Variants in MACROD2 observed in about 807,000 individuals in gnomAD.
MACROD2 encodes mono-ADP ribosylhydrolase 2.
MACROD2 carries 36 observed loss-of-function variants against 70.4 expected under a neutral mutation model. The ratio of observed to expected loss-of-function variants is 0.51; its 90% confidence interval spans 0.39 to 0.68. MACROD2 has a LOEUF of 0.68. Among genes scored for constraint, MACROD2 ranks in the 30% least tolerant of loss-of-function variants. The pLI, the probability that MACROD2 is intolerant of heterozygous loss-of-function variation, is 0.00. For missense variants in MACROD2, 496 were observed against 538.4 expected (o/e 0.92, Z 0.78); for synonymous variants, 172 against 178.8 (o/e 0.96, Z 0.30).
At chr20:14,625,836 T>C (rs1335349779) in intron 4 of MACROD2, among the ~76,000 whole-genome samples, 1 of 152,134 alleles carries the variant, frequency 6.6e-6, no homozygotes, top group Admixed American at 6.5e-5. Flanking sequence ...GTTGTTGTTG[T>C]TTTTCAGATG....
intron 5 of MACROD2, among the ~76,000 whole-genome samples, chr20:14,792,526 G>A (rs990599729): frequency 6.6e-5 from 10 of 151,986 alleles, no homozygotes; most frequent in Non-Finnish European, 1.5e-4. Context: ...AAACCCTCCT[G>A]TTCATAAGAG....
intron 13 of MACROD2, among the ~76,000 whole-genome samples, chr20:15,982,018 C>T (rs1013171050): frequency 6.6e-6 from 1 of 151,746 alleles, no homozygotes; most frequent in Admixed American, 6.6e-5. Flanking sequence ...ATCAGAGAAC[C>T]GCATCTTATT....
intron 5 of MACROD2, among the ~76,000 whole-genome samples, chr20:14,966,748 A>G (rs1332630424): frequency 1.3e-5 from 2 of 151,688 alleles, no homozygotes; most frequent in Non-Finnish European, 2.9e-5. Flanking sequence ...AGACATTTTG[A>G]AGTAATCTAT....
rs148671689 is a variant in MACROD2, at chr20:15,905,232, G to A, written c.775+19421G>A. ...TGAGAACATCTAGGGCAACACTCTC[G>A]TTTCACAGATGAGGAAACTTTCTTT... On this transcript the variant is annotated intron_variant, in intron 10 of 17. Transcript: ENST00000684519. Among the ~76,000 whole-genome samples, 255 of 152,196 alleles carry A rather than the reference G, an allele frequency of 1.7e-3. 1 individual carries two copies. The highest frequency in any genetic ancestry group is 6.8e-3 in the Middle Eastern group (2 of 294).
At chr20:14,353,258 G>T (rs1478559953) in intron 3 of MACROD2, among the ~76,000 whole-genome samples, 7 of 151,534 alleles carry the variant, frequency 4.6e-5, no homozygotes, top group Non-Finnish European at 8.8e-5. Flanking sequence ...AACAGAAAAG[G>T]GATTATAAAT....
chr20:15,392,529 C>T (rs2045806739), intron 6 of MACROD2, among the ~76,000 whole-genome samples: 1 of 151,930 alleles, frequency 6.6e-6, no homozygotes, highest in Admixed American at 6.6e-5. Flanking sequence ...TGTCATTTTA[C>T]CTAATAGCAT....
At chr20:15,034,241 G>T (rs545912361) in intron 5 of MACROD2, among the ~76,000 whole-genome samples, 1 of 152,268 alleles carries the variant, frequency 6.6e-6, no homozygotes, top group South Asian at 2.1e-4. Flanking sequence ...AAATTTGATG[G>T]TTGGAATTCT....
At chr20:14,019,025 C>T (rs145491054) in intron 2 of MACROD2, among the ~76,000 whole-genome samples, 1 of 152,202 alleles carries the variant, frequency 6.6e-6, no homozygotes, top group African/African-American at 2.4e-5. Context: ...GTGCAGGGAC[C>T]TTGACCCTTA....
chr20:15,833,076 C>T (rs1036999365), intron 8 of MACROD2, among the ~76,000 whole-genome samples: 1 of 152,026 alleles, frequency 6.6e-6, no homozygotes, highest in Non-Finnish European at 1.5e-5. Flanking sequence ...TTTTGCACAG[C>T]CCCTTGGGAG....
chr20:14,612,418 T>A (rs1389089208), intron 4 of MACROD2, among the ~76,000 whole-genome samples: 2 of 152,118 alleles, frequency 1.3e-5, no homozygotes, highest in Admixed American at 6.6e-5. Flanking sequence ...AACTGTAGAC[T>A]TTGTGGATAT....
At chr20:14,998,481 C>G (rs2074968411) in intron 5 of MACROD2, among the ~76,000 whole-genome samples, 1 of 151,970 alleles carries the variant, frequency 6.6e-6, no homozygotes, top group Non-Finnish European at 1.5e-5. Flanking sequence ...AACCAATATA[C>G]CAAAGAATTC....
At chr20:15,219,272 A>G (rs1286222323) in intron 5 of MACROD2, among the ~76,000 whole-genome samples, 1 of 152,224 alleles carries the variant, frequency 6.6e-6, no homozygotes, top group Non-Finnish European at 1.5e-5. Flanking sequence ...GTGTCACCAG[A>G]AAGTTTGAAA....
chr20:14,183,955 G>C (rs906089726), intron 3 of MACROD2, among the ~76,000 whole-genome samples: 2 of 152,088 alleles, frequency 1.3e-5, no homozygotes, highest in African/African-American at 4.8e-5. Context: ...CAGATGCATA[G>C]TTTGCAAAAA....
At chr20:14,469,070 T>C (rs2084495392) in intron 3 of MACROD2, among the ~76,000 whole-genome samples, 1 of 152,066 alleles carries the variant, frequency 6.6e-6, no homozygotes, top group South Asian at 2.1e-4. Context: ...TGGTATCGGT[T>C]TTTTCTTTCC....
At chr20:14,981,388 C>T (rs1192325768) in intron 5 of MACROD2, among the ~76,000 whole-genome samples, 11 of 150,092 alleles carry the variant, frequency 7.3e-5, no homozygotes, top group African/African-American at 2.7e-4. Flanking sequence ...TTGGAAAAGC[C>T]TTACTGTAAT....
chr20:14,619,965 G>A (rs1444218721), intron 4 of MACROD2, among the ~76,000 whole-genome samples: 3 of 152,126 alleles, frequency 2.0e-5, no homozygotes, highest in African/African-American at 7.2e-5. Context: ...TTATGATCTG[G>A]CTTTTAACAC....
At chr20:15,124,154 A>T (rs1378506542) in intron 5 of MACROD2, among the ~76,000 whole-genome samples, 1 of 152,022 alleles carries the variant, frequency 6.6e-6, no homozygotes, top group Admixed American at 6.5e-5. Flanking sequence ...TGCCACTAAA[A>T]TTACAACCAT....
At chr20:14,011,459 TC>T (rs147067387) in intron 2 of MACROD2, among the ~76,000 whole-genome samples, 6 of 151,874 alleles carry the variant, frequency 4.0e-5, no homozygotes, top group Admixed American at 2.0e-4. Flanking sequence ...TTGTGGCATT[TC>T]CCCCCCTTCA....
intron 8 of MACROD2, among the ~76,000 whole-genome samples, chr20:15,645,522 C>T (rs1465630936): frequency 2.0e-5 from 3 of 152,184 alleles, no homozygotes; most frequent in African/African-American, 4.8e-5. Flanking sequence ...ACTGCCTCAT[C>T]TTGCATGTGA....
Sources: gnomAD v4.1 joint callset for allele counts (sites outside exome capture counted in the v4.1 genomes callset) on GRCh38, gnomAD v4.1.1 for gene constraint, MANE v1.5 for transcripts, NCBI Gene and HGNC (gene_info 2026-07-23, HGNC 2026-07-21) for gene names.